Variants in ZSCAN25 observed in about 807,000 individuals in gnomAD.
ZSCAN25 encodes zinc finger and SCAN domain-containing protein 25.
In ZSCAN25, 27 loss-of-function variants were observed where a neutral mutation model predicts 38.7. That is an observed-to-expected ratio of 0.70 (90% confidence interval 0.51 to 0.96). ZSCAN25 has a LOEUF of 0.96. ZSCAN25 is among the 40% of genes least tolerant of loss of function. The probability of loss-of-function intolerance (pLI) is 0.00; values close to 1 mark genes in which losing one functional copy is unlikely to be tolerated. For missense variants in ZSCAN25, 637 were observed against 705.9 expected (o/e 0.90, Z 1.11); for synonymous variants, 273 against 277.7 (o/e 0.98, Z 0.17).
Position 99,631,499 on chromosome 7 carries a change from T to A in ZSCAN25, c.*1479T>A, listed in dbSNP as rs1173630125. ...TAGCGTGGACTGACTGCTGTGTCATTGTGCTGTGCCTTTGAACCCTGGCTG... is the reference window on the plus strand; with the variant it reads ...TAGCGTGGACTGACTGCTGTGTCATAGTGCTGTGCCTTTGAACCCTGGCTG... On this transcript the variant is annotated 3_prime_UTR_variant, in exon 8 of 8. Coordinates refer to ENST00000394152, the MANE Select transcript of ZSCAN25 (RefSeq NM_145115.3). 1 of 985,458 alleles carries A rather than the reference T, an allele frequency of 1.0e-6. No homozygotes were observed. The highest frequency in any genetic ancestry group is 1.2e-6 in the Non-Finnish European group (1 of 829,956). The allele number at this position is 985,458 out of a possible 1,614,324, so 61.0% of individuals were successfully genotyped here.
chr7:99,681,539 T>G, the ZSCAN25 span, among the ~76,000 whole-genome samples: 1 of 152,246 alleles, frequency 6.6e-6, no homozygotes, highest in Non-Finnish European at 1.5e-5. Context: ...GTGGTTTTGA[T>G]TTGCATTTCT....
At chr7:99,731,453 A>C in the ZSCAN25 span, among the ~76,000 whole-genome samples, 197 of 152,306 alleles carry the variant, frequency 1.3e-3, no homozygotes, top group African/African-American at 4.4e-3. Context: ...GAGGTTCAGG[A>C]ACGAATTCTT....
chr7:99,713,543 C>CA, the ZSCAN25 span: 1 of 1,613,122 alleles, frequency 6.2e-7, no homozygotes, highest in Non-Finnish European at 8.5e-7. Flanking sequence ...GTGCTAGAAG[C>CA]AAAAAGAGAA....
chr7:99,718,893 A>G, the ZSCAN25 span, among the ~76,000 whole-genome samples: 2 of 152,224 alleles, frequency 1.3e-5, no homozygotes, highest in Non-Finnish European at 2.9e-5. Flanking sequence ...AAAACATAAT[A>G]TCATTTACAA....
the ZSCAN25 span, chr7:99,665,177 A>C: frequency 6.2e-7 from 1 of 1,611,684 alleles, no homozygotes; most frequent in African/African-American, 1.3e-5. Flanking sequence ...TATTGAGAGA[A>C]ATAATGGATC....
the ZSCAN25 span, among the ~76,000 whole-genome samples, chr7:99,649,575 G>A: frequency 4.6e-5 from 7 of 152,114 alleles, no homozygotes; most frequent in African/African-American, 1.7e-4. Context: ...GGGTTCACCC[G>A]ACAGCATGAC....
chr7:99,685,940 A>T, the ZSCAN25 span, among the ~76,000 whole-genome samples: 1 of 151,966 alleles, frequency 6.6e-6, no homozygotes, highest in Non-Finnish European at 1.5e-5. Context: ...ATTGTCTCAG[A>T]CCCTCTAATA....
chr7:99,672,579 C>G, the ZSCAN25 span: 1 of 1,611,624 alleles, frequency 6.2e-7, no homozygotes, highest in Non-Finnish European at 8.5e-7. Context: ...TGGATGCTTA[C>G]CCTTCGATTT....
chr7:99,638,384 A>G, the ZSCAN25 span: 39 of 1,596,924 alleles, frequency 2.4e-5, no homozygotes, highest in Non-Finnish European at 3.3e-5. Context: ...GTTTCATGGC[A>G]TCGGGCAGGT....
the ZSCAN25 span, chr7:99,663,157 G>T: frequency 5.2e-6 from 6 of 1,163,346 alleles, no homozygotes; most frequent in Non-Finnish European, 2.1e-6. Context: ...TTTGGATACA[G>T]CTTTCTGGCC....
chr7:99,629,237 G>T lies in ZSCAN25; in HGVS notation c.852G>T (p.Leu284=). Residue 284 remains leucine, a synonymous_variant, in exon 8 of 8, where the codon CTG becomes CTT. Coordinates refer to ENST00000394152, the MANE Select transcript of ZSCAN25 (RefSeq NM_145115.3). This position sits in a 1 kb window ranked among gnomAD's most constrained non-coding sequence, Gnocchi z 5.6. ...EKEAKPPQED[L]KGALVALTSE... The stretch of plus-strand genomic sequence containing the variant: ...AGGCAAAACCCCCACAGGAAGACCT[G>T]AAAGGGGCGCTGGTGGCACTGACAT... 2 of 1,613,870 alleles carry T rather than the reference G, an allele frequency of 1.2e-6. No homozygotes were observed. Among genetic ancestry groups the T allele is most frequent in the Non-Finnish European group, 1.7e-6 (2 of 1,179,888 alleles).
At chr7:99,720,828 A>G in the ZSCAN25 span, 1 of 192,054 alleles carries the variant, frequency 5.2e-6, no homozygotes, top group South Asian at 1.1e-4. Flanking sequence ...AAATCATCAA[A>G]TGCTCACAAG....
the ZSCAN25 span, among the ~76,000 whole-genome samples, chr7:99,701,349 A>G: frequency 1.3e-5 from 2 of 152,166 alleles, no homozygotes; most frequent in Non-Finnish European, 2.9e-5. Flanking sequence ...TTACCCATTC[A>G]TCTGTTGATG....
chr7:99,715,886 A>T, the ZSCAN25 span: 1 of 1,613,878 alleles, frequency 6.2e-7, no homozygotes, highest in Non-Finnish European at 8.5e-7. Flanking sequence ...GATCACATCC[A>T]TGCTGTAGGC....
the ZSCAN25 span, chr7:99,662,879 G>A: frequency 1.1e-4 from 173 of 1,613,522 alleles, 1 homozygote; most frequent in African/African-American, 1.7e-4. The surrounding 1 kb of genome is among the most constrained non-coding windows in gnomAD (Gnocchi z 4.3). Flanking sequence ...AAATCTAGTC[G>A]GTGCTAGAAG....
chr7:99,643,274 GCC>G, the ZSCAN25 span, among the ~76,000 whole-genome samples: 2 of 151,964 alleles, frequency 1.3e-5, no homozygotes, highest in Admixed American at 6.6e-5. Context: ...CAAGACCGGT[GCC>G]CATCTAGAAA....
chr7:99,648,321 G>A, the ZSCAN25 span: 1 of 1,612,938 alleles, frequency 6.2e-7, no homozygotes, highest in Non-Finnish European at 8.5e-7. Flanking sequence ...TCCACTTAGG[G>A]TTCCATCTCT....
the ZSCAN25 span, among the ~76,000 whole-genome samples, chr7:99,656,702 A>C: frequency 6.6e-6 from 1 of 152,186 alleles, no homozygotes; most frequent in Admixed American, 6.5e-5. Flanking sequence ...CGGTGAATCC[A>C]TCTGGTCCTG....
chr7:99,672,021 A>G, the ZSCAN25 span: 1 of 567,256 alleles, frequency 1.8e-6, no homozygotes, highest in East Asian at 2.9e-5. Flanking sequence ...TTGGTGCAAA[A>G]GTTATTGCAG....
Sources: allele counts gnomAD v4.1 joint callset (sites outside exome capture counted in the v4.1 genomes callset), GRCh38; gene constraint gnomAD v4.1.1; non-coding constraint Gnocchi (gnomAD v3.1); transcripts MANE v1.5; gene names NCBI Gene and HGNC (gene_info 2026-07-23, HGNC 2026-07-21).